PPM1A: variants seen among roughly 807,000 people sequenced by gnomAD.
The protein encoded by PPM1A is protein phosphatase 1A.
In PPM1A, 7 loss-of-function variants were observed where a neutral mutation model predicts 35.0. The observed-to-expected ratio is 0.20, with a 90% confidence interval of 0.11 to 0.38. PPM1A has a LOEUF of 0.38. Among genes scored for constraint, PPM1A ranks in the 10% least tolerant of loss-of-function variants. PPM1A has a pLI of 1.00. For synonymous variants in PPM1A, 153 were observed against 167.3 expected, an observed-to-expected ratio of 0.91 and a Z score of 0.66; for missense variants, 239 against 467.8, an observed-to-expected ratio of 0.51 and a Z score of 4.51.
Position 60,292,442 on chromosome 14 carries a change from C to T in PPM1A, c.1120-11C>T, listed in dbSNP as rs776702560. Reference sequence around the variant, plus strand: ...TTAACGTTGTTCCTTATTTTGCTTCCTTTTACAAAGGACTCTACATCAACA... The same window carrying T: ...TTAACGTTGTTCCTTATTTTGCTTCTTTTTACAAAGGACTCTACATCAACA... On this transcript the variant is annotated splice_polypyrimidine_tract_variant and intron_variant, in intron 5 of 5. Transcript: ENST00000395076. The surrounding 1 kb of genome is among the most constrained non-coding windows in gnomAD (Gnocchi z 4.2). 123 of 1,594,470 alleles carry T rather than the reference C, an allele frequency of 7.7e-5. No homozygotes were observed. The highest frequency in any genetic ancestry group is 8.0e-5 in the Non-Finnish European group (93 of 1,163,944).
intron 1 of PPM1A, among the ~76,000 whole-genome samples, chr14:60,260,605 T>C (rs993731265): frequency 9.2e-5 from 14 of 152,186 alleles, no homozygotes; most frequent in Admixed American, 5.2e-4. Flanking sequence ...TTCAGACTTA[T>C]GCAACGATTA....
chr14:60,252,270 T>C (rs372642029), intron 1 of PPM1A, among the ~76,000 whole-genome samples: 5 of 152,240 alleles, frequency 3.3e-5, no homozygotes, highest in African/African-American at 1.2e-4. Context: ...GAGAGCTGGA[T>C]TAATTTTTTA....
In PPM1A at chr14:60,283,387, A is replaced by C. The variant is rs1886606665; in HGVS notation, c.684A>C (p.Glu228Asp). 6.2e-7 allele frequency: 1 copy of C among 1,614,210 alleles called. No individual in the cohort carries two copies. Among genetic ancestry groups the C allele is most frequent in the East Asian group, 2.2e-5 (1 of 44,880 alleles). Reference protein sequence around the residue: ...EPEVHDIERSEEDDQFIILAC... With the variant: ...EPEVHDIERSDEDDQFIILAC... ...AAGTCCATGATATTGAAAGATCTGA[A>C]GAAGATGATCAGTTCATTATCCTTG... The change falls in exon 2 of 6, where the codon GAA becomes GAC. Residue 228 changes from glutamate (E) to aspartate (D), a missense_variant. Physicochemically the swap from Glu to Asp is conservative, Grantham distance 45. This residue lies in a region of PPM1A where 175 missense variants were observed against 389.2 expected (regional missense o/e 0.45). Transcript: ENST00000395076. This position sits in a 1 kb window ranked among gnomAD's most constrained non-coding sequence, Gnocchi z 6.3.
At chr14:60,247,790 G>C (rs1219754755), upstream of PPM1A, among the ~76,000 whole-genome samples, 1 of 152,074 alleles carries the variant, frequency 6.6e-6, no homozygotes, top group African/African-American at 2.4e-5. Context: ...TAAGAGTTGG[G>C]GCAACAAAAT....
At chr14:60,255,170 T>TGTTTG (rs1248821865) in intron 1 of PPM1A, among the ~76,000 whole-genome samples, 6 of 109,640 alleles carry the variant, frequency 5.5e-5, no homozygotes, top group African/African-American at 3.9e-4. Context: ...TTTTTTTTTT[T>TGTTTG]TTTGTTTTGT....
Position 60,249,342 on chromosome 14 carries a change from A to C in PPM1A, c.-356A>C. 1 of 519,510 alleles carries C rather than the reference A, an allele frequency of 1.9e-6. No individual in the cohort carries two copies. Among genetic ancestry groups the C allele is most frequent in the Non-Finnish European group, 2.3e-6 (1 of 430,912 alleles). 32.2% of individuals were successfully genotyped at this position (519,510 alleles called of 1,614,324 possible). On this transcript the variant is annotated 5_prime_UTR_variant, in exon 1 of 6. Transcript: ENST00000395076. The surrounding 1 kb of genome is among the most constrained non-coding windows in gnomAD (Gnocchi z 4.5). ...GGTCCTCAGGCGGCTGTTGCTCCGG[A>C]ACGGGTGGTTGGGGAGGGGGGGGTG...
In PPM1A at chr14:60,296,737, T is replaced by TTA; in HGVS notation, c.*4255_*4256insTA. On this transcript the variant is annotated 3_prime_UTR_variant, in exon 6 of 6. Transcript: ENST00000395076. The surrounding 1 kb of genome is among the most constrained non-coding windows in gnomAD (Gnocchi z 4.4). ...ATTTTCAAAATGTATAATACTGTAT[T>TTA]GTTTTGTTGATCAGAATAATAAGTC... is the stretch of plus-strand genomic sequence containing the variant. 2.9e-6 allele frequency: 1 copy of TTA among 349,324 alleles called. No individual in the cohort carries two copies. Among genetic ancestry groups the TTA allele is most frequent in the Non-Finnish European group, 5.2e-6 (1 of 190,690 alleles). The allele number at this position is 349,324 out of a possible 1,614,324, so 21.6% of individuals were successfully genotyped here.
chr14:60,279,487 A>C (rs1566594459), intron 1 of PPM1A, among the ~76,000 whole-genome samples: 1 of 152,198 alleles, frequency 6.6e-6, no homozygotes, highest in Non-Finnish European at 1.5e-5. Context: ...CATACTGATT[A>C]AACTGATTTA....
chr14:60,275,586 A>G (rs1185872981), intron 1 of PPM1A, among the ~76,000 whole-genome samples: 1 of 152,156 alleles, frequency 6.6e-6, no homozygotes, highest in Non-Finnish European at 1.5e-5. Flanking sequence ...TCGTGGGCCC[A>G]AGCAGTCCTC....
rs903563505 is a variant in PPM1A, at chr14:60,285,748, C to G, written c.952+7C>G. ...CTGGAATGCAGAGTAGAAGGTGGAT[C>G]ATTTAACAAAAAATAAGTAGCTTTA... is the stretch of plus-strand genomic sequence containing the variant. On this transcript the variant is annotated splice_region_variant and intron_variant, in intron 3 of 5. Coordinates refer to ENST00000395076, the MANE Select transcript of PPM1A (RefSeq NM_021003.5). 6.2e-7 allele frequency: 1 copy of G among 1,604,304 alleles called. No homozygotes were observed.
chr14:60,255,431 A>G (rs1182290487), intron 1 of PPM1A, among the ~76,000 whole-genome samples: 1 of 151,950 alleles, frequency 6.6e-6, no homozygotes, highest in Non-Finnish European at 1.5e-5. Context: ...TCGGCCTCCC[A>G]AAGTGCTGGG....
chr14:60,280,587 T>C (rs1452465198), intron 1 of PPM1A, among the ~76,000 whole-genome samples: 3 of 152,224 alleles, frequency 2.0e-5, no homozygotes, highest in Non-Finnish European at 2.9e-5. Context: ...GTCTTTCCTC[T>C]GTAAAACTTC....
At chr14:60,260,818 A>G (rs1443818378) in intron 1 of PPM1A, among the ~76,000 whole-genome samples, 1 of 152,200 alleles carries the variant, frequency 6.6e-6, no homozygotes, top group African/African-American at 2.4e-5. Flanking sequence ...TGTGTCTTGC[A>G]TGTCTCATGA....
chr14:60,290,024 T>G (rs1887463996), intron 4 of PPM1A, 110 bp downstream of exon 4: 5 of 695,806 alleles, frequency 7.2e-6, no homozygotes, highest in Admixed American at 3.8e-5. Context: ...CAGTTATCTG[T>G]GTTTTAACCT....
chr14:60,287,851 T>G (rs1340596225), intron 3 of PPM1A: 5 of 984,662 alleles, frequency 5.1e-6, no homozygotes, highest in Non-Finnish European at 4.8e-6. Flanking sequence ...ACTGACTACC[T>G]TAGCTTTAAA....
At chr14:60,287,779 T>A (rs1887184837) in intron 3 of PPM1A, 1 of 982,612 alleles carries the variant, frequency 1.0e-6, no homozygotes, top group Admixed American at 6.2e-5. Flanking sequence ...CTATTAATTT[T>A]GTGGTCCTTC....
chr14:60,270,911 A>G (rs1208923311), intron 1 of PPM1A, among the ~76,000 whole-genome samples: 1 of 152,234 alleles, frequency 6.6e-6, no homozygotes, highest in Non-Finnish European at 1.5e-5. Flanking sequence ...GAACTTGACT[A>G]TTGGGCATTC....
At position 60,289,927 on chromosome 14, in the gene PPM1A, C is replaced by G. The variant is rs1333673855; in HGVS notation, c.1061+13C>G. 6.7e-7 allele frequency: 1 copy of G among 1,493,636 alleles called. No homozygotes were observed. The allele number at this position is 1,493,636 out of a possible 1,614,324, so 92.5% of individuals were successfully genotyped here. A position where few individuals can be genotyped will look rare whatever the true frequency, so the allele number is the denominator to read the frequency against. On this transcript the variant is annotated intron_variant, in intron 4 of 5. Transcript: ENST00000395076. The surrounding 1 kb of genome is among the most constrained non-coding windows in gnomAD (Gnocchi z 4.1). Reference sequence around the variant, plus strand: ...AATTGGCAAGCAAGTAAGTTACATTCTGTACACTCTTATGCTTTATGTCAG... The same window carrying G: ...AATTGGCAAGCAAGTAAGTTACATTGTGTACACTCTTATGCTTTATGTCAG...
At chr14:60,286,447 GTTTCTCT>G (rs1257090279) in intron 3 of PPM1A, 2 of 985,066 alleles carry the variant, frequency 2.0e-6, no homozygotes, top group African/African-American at 3.5e-5. Flanking sequence ...ATATTATGCA[GTTTCTCT>G]AAGTGGAAAA....
Sources: allele counts gnomAD v4.1 joint callset (sites outside exome capture counted in the v4.1 genomes callset), GRCh38; gene constraint gnomAD v4.1.1; regional missense constraint gnomAD v4.1.1; non-coding constraint Gnocchi (gnomAD v3.1); transcripts MANE v1.5; gene names NCBI Gene and HGNC (gene_info 2026-07-23, HGNC 2026-07-21).